CTNNA3: variants seen among roughly 807,000 people sequenced by gnomAD.
CTNNA3 encodes the protein catenin alpha-3.
Under a neutral mutation model 95.7 loss-of-function variants are expected in CTNNA3, and 76 were observed. The ratio of observed to expected loss-of-function variants is 0.79; its 90% CI spans 0.66 to 0.96. The LOEUF (loss-of-function observed/expected upper bound fraction) is 0.96. Ranked by LOEUF, CTNNA3 falls within the 40% of genes least tolerant of loss-of-function variation. The pLI is 0.00. For synonymous variants in CTNNA3, 431 were observed against 374.4 expected, an observed-to-expected ratio of 1.15 and a Z score of -1.74; for missense variants, 1,191 against 1,089.8, an observed-to-expected ratio of 1.09 and a Z score of -1.31.
At chr10:66,330,275 T>C (rs2092308687) in intron 12 of CTNNA3, among the ~76,000 whole-genome samples, 2 of 150,692 alleles carry the variant, frequency 1.3e-5, no homozygotes, top group South Asian at 2.1e-4. Context: ...TGTGTCCCTG[T>C]GTTCTCATTG....
intron 5 of CTNNA3, among the ~76,000 whole-genome samples, chr10:67,448,336 T>C (rs1461509801): frequency 1.3e-5 from 2 of 152,168 alleles, no homozygotes; most frequent in Non-Finnish European, 2.9e-5. Context: ...AAAACTCCAA[T>C]GCAATTTGTT....
intron 5 of CTNNA3, among the ~76,000 whole-genome samples, chr10:67,416,223 C>T (rs373959817): frequency 3.9e-5 from 6 of 151,994 alleles, no homozygotes; most frequent in African/African-American, 1.4e-4. Context: ...TAGAATGATA[C>T]AAGATATTTG....
intron 14 of CTNNA3, among the ~76,000 whole-genome samples, chr10:66,069,834 T>C (rs779294874): frequency 2.0e-5 from 3 of 152,254 alleles, no homozygotes; most frequent in Non-Finnish European, 4.4e-5. Context: ...GCATCACCTT[T>C]GTTAGAAAAG....
chr10:66,635,782 G>C (rs1845312102), intron 9 of CTNNA3, among the ~76,000 whole-genome samples: 1 of 152,070 alleles, frequency 6.6e-6, no homozygotes, highest in Non-Finnish European at 1.5e-5. Context: ...AATGACAGTA[G>C]GCAATCAATC....
At chr10:66,682,293 C>T (rs1589117391) in intron 9 of CTNNA3, among the ~76,000 whole-genome samples, 1 of 152,086 alleles carries the variant, frequency 6.6e-6, no homozygotes, top group East Asian at 1.9e-4. Context: ...TTTCCCCAAA[C>T]CAATTAATCT....
intron 7 of CTNNA3, among the ~76,000 whole-genome samples, chr10:67,066,828 T>A (rs1423453591): frequency 2.0e-5 from 3 of 152,246 alleles, no homozygotes; most frequent in Non-Finnish European, 4.4e-5. Context: ...CAGAAGGAAA[T>A]GTAAATAGTG....
At chr10:66,155,173 C>T (rs1202363125) in intron 13 of CTNNA3, among the ~76,000 whole-genome samples, 1 of 151,776 alleles carries the variant, frequency 6.6e-6, no homozygotes. Context: ...CCAAAGCAGA[C>T]AGAAGTACAG....
At chr10:67,689,094 A>G (rs1840791481) in intron 1 of CTNNA3, among the ~76,000 whole-genome samples, 1 of 152,158 alleles carries the variant, frequency 6.6e-6, no homozygotes, top group Admixed American at 6.5e-5. Flanking sequence ...AGTCCTAAGC[A>G]TTATCCTGTT....
At chr10:66,595,168 C>T (rs1843671546) in intron 10 of CTNNA3, among the ~76,000 whole-genome samples, 2 of 151,960 alleles carry the variant, frequency 1.3e-5, no homozygotes, top group African/African-American at 4.8e-5. Flanking sequence ...ACGACAACAA[C>T]AACCAAAATC....
chr10:66,353,093 G>A (rs976814219), intron 12 of CTNNA3, among the ~76,000 whole-genome samples: 1 of 151,934 alleles, frequency 6.6e-6, no homozygotes. Context: ...ATCTTTAAAT[G>A]ATATATATAT....
At chr10:67,588,660 T>G (rs1842706744) in intron 3 of CTNNA3, among the ~76,000 whole-genome samples, 1 of 152,096 alleles carries the variant, frequency 6.6e-6, no homozygotes, top group Non-Finnish European at 1.5e-5. Context: ...CTGGCTTCTC[T>G]GAGTAGTATA....
At chr10:66,223,294 T>G (rs139049258) in intron 13 of CTNNA3, among the ~76,000 whole-genome samples, 5 of 152,244 alleles carry the variant, frequency 3.3e-5, no homozygotes, top group Non-Finnish European at 7.4e-5. Flanking sequence ...ACTACCTAAG[T>G]ATGTTAGGTA....
chr10:66,280,654 C>T lies in CTNNA3; in HGVS notation c.1733-33G>A, dbSNP rs780540370. ...AATAAAGAATAAGGAGAAGATTGTC[C>T]TCTTTGTATTTTTGGATTTATACAG... On this transcript the variant is annotated intron_variant, in intron 12 of 17. Coordinates refer to ENST00000433211, the MANE Select transcript of CTNNA3 (RefSeq NM_013266.4). 2.6e-6 allele frequency: 4 copies of T among 1,548,038 alleles called. No individual in the cohort carries two copies. In the East Asian group the frequency reaches 9.3e-5, roughly 36 times the overall value.
At chr10:67,730,323 T>G (rs1418748828) in intron 1 of CTNNA3, among the ~76,000 whole-genome samples, 1 of 152,096 alleles carries the variant, frequency 6.6e-6, no homozygotes, top group Non-Finnish European at 1.5e-5. Context: ...CTTGGGCATT[T>G]TTTTTTTAAG....
rs548518938 is a variant in CTNNA3 at position 66,055,633 on chromosome 10, T to TA, written c.2159+13674dup. On this transcript the variant is annotated intron_variant, in intron 15 of 17. Coordinates refer to ENST00000433211, the MANE Select transcript of CTNNA3 (RefSeq NM_013266.4). ...GGGATAGTCTTTAGTTTTTTTAAGA[T>TA]AAAAAATCGGCCGGGCGTGATGGCT... is the stretch of plus-strand genomic sequence containing the variant. Among the ~76,000 whole-genome samples the TA allele has an allele frequency of 3.9e-5, 6 of 152,162 alleles. No homozygotes were observed. The South Asian group carries it at 1.2e-3, about 32-fold the overall frequency.
intron 9 of CTNNA3, among the ~76,000 whole-genome samples, chr10:66,641,224 AT>A (rs1227935735): frequency 6.6e-6 from 1 of 152,224 alleles, no homozygotes; most frequent in African/African-American, 2.4e-5. Flanking sequence ...GCCATATTAA[AT>A]TTAAAGATAT....
intron 7 of CTNNA3, among the ~76,000 whole-genome samples, chr10:66,952,376 TC>T (rs1243438670): frequency 1.3e-5 from 2 of 152,144 alleles, no homozygotes; most frequent in Non-Finnish European, 2.9e-5. Context: ...TAAAATCAAA[TC>T]TTCAGAGACA....
chr10:66,021,852 C>CTTTTTTGTTTTTTTTTTTTTTTT (rs2079219895), intron 15 of CTNNA3, among the ~76,000 whole-genome samples: 2 of 75,950 alleles, frequency 2.6e-5, no homozygotes, highest in African/African-American at 4.9e-5. Flanking sequence ...AGGATCTTGG[C>CTTTTTTGTTTTTTTTTTTTTTTT]TTTTTTTTTT....
At chr10:67,300,563 T>C (rs1840224336) in intron 5 of CTNNA3, among the ~76,000 whole-genome samples, 1 of 152,116 alleles carries the variant, frequency 6.6e-6, no homozygotes, top group African/African-American at 2.4e-5. Context: ...TCCTCTAGAG[T>C]AGGTCAGGTA....
Sources: allele counts gnomAD v4.1 joint callset (sites outside exome capture counted in the v4.1 genomes callset), GRCh38; gene constraint gnomAD v4.1.1; transcripts MANE v1.5; gene names NCBI Gene and HGNC (gene_info 2026-07-23, HGNC 2026-07-21).